The following ZFAND6 variants were observed in gnomAD, a reference collection of about 807,000 sequenced individuals.
The protein encoded by ZFAND6 is AN1-type zinc finger protein 6.
ZFAND6 carries 12 observed loss-of-function variants against 24.5 expected under a neutral mutation model. The observed-to-expected ratio is 0.49, with a 90% confidence interval of 0.31 to 0.79. ZFAND6 has a LOEUF of 0.79. ZFAND6 is among the 30% of genes least tolerant of loss of function. The pLI, the probability that ZFAND6 is intolerant of heterozygous loss-of-function variation, is 0.04. For synonymous variants in ZFAND6, 92 were observed against 81.5 expected, an observed-to-expected ratio of 1.13 and a Z score of -0.69; for missense variants, 207 against 245.9, an observed-to-expected ratio of 0.84 and a Z score of 1.06.
At chr15:80,090,541 C>T (rs1183595946) in intron 1 of ZFAND6, among the ~76,000 whole-genome samples, 6 of 152,176 alleles carry the variant, frequency 3.9e-5, no homozygotes, top group Non-Finnish European at 8.8e-5. Context: ...TACTATTTGT[C>T]CTGCAATTCT....
rs1218902182 is a variant in ZFAND6, at chr15:80,092,414, C to T, written c.-180-6002C>T. The stretch of plus-strand genomic sequence containing the variant: ...TCGTGCCACTGCACTCTAGTCCGGG[C>T]GACAGAGTGAGACTCTGTCTCAAAA... On this transcript the variant is annotated intron_variant, in intron 1 of 6. Transcript: ENST00000261749. Among the ~76,000 whole-genome samples, 20 of 151,658 alleles carry T rather than the reference C, an allele frequency of 1.3e-4. No individual in the cohort carries two copies. The East Asian group carries it at 2.5e-3, about 19-fold the overall frequency.
intron 1 of ZFAND6, among the ~76,000 whole-genome samples, chr15:80,066,544 C>T (rs542003021): frequency 6.6e-6 from 1 of 152,026 alleles, no homozygotes; most frequent in African/African-American, 2.4e-5. Context: ...AATTCCTGAC[C>T]TCAGGTGATC....
At chr15:80,135,631 G>A (rs1388021950) in intron 6 of ZFAND6, among the ~76,000 whole-genome samples, 2 of 152,224 alleles carry the variant, frequency 1.3e-5, no homozygotes, top group Admixed American at 6.5e-5. Context: ...GGAAGTTAGA[G>A]TTTAATATCA....
At chr15:80,121,079 C>G (rs796586141) in intron 3 of ZFAND6, among the ~76,000 whole-genome samples, 9 of 152,160 alleles carry the variant, frequency 5.9e-5, no homozygotes, top group African/African-American at 2.2e-4. Flanking sequence ...ATAAGCTTTG[C>G]AAAAAGGAAA....
intron 1 of ZFAND6, among the ~76,000 whole-genome samples, chr15:80,086,311 T>C (rs927235817): frequency 3.3e-5 from 5 of 152,252 alleles, no homozygotes; most frequent in African/African-American, 1.2e-4. Context: ...GTACTGGGAT[T>C]ACAGGCATGA....
chr15:80,063,831 G>A (rs764615010), intron 1 of ZFAND6, among the ~76,000 whole-genome samples: 3 of 152,172 alleles, frequency 2.0e-5, no homozygotes, highest in Non-Finnish European at 4.4e-5. Flanking sequence ...GGTTACAGGT[G>A]TGAGCCACTG....
At chr15:80,123,336 C>T (rs1044722713) in intron 5 of ZFAND6, among the ~76,000 whole-genome samples, 1 of 152,158 alleles carries the variant, frequency 6.6e-6, no homozygotes, top group Non-Finnish European at 1.5e-5. Flanking sequence ...TCTAGGAAGA[C>T]TTGAAAATTT....
At chr15:80,071,087 C>T (rs1338609171) in intron 1 of ZFAND6, among the ~76,000 whole-genome samples, 3 of 152,178 alleles carry the variant, frequency 2.0e-5, no homozygotes, top group Non-Finnish European at 4.4e-5. Flanking sequence ...GATTATGCAG[C>T]TGTTTGGGCT....
At chr15:80,081,509 T>C (rs2037667444) in intron 1 of ZFAND6, among the ~76,000 whole-genome samples, 1 of 152,180 alleles carries the variant, frequency 6.6e-6, no homozygotes, top group Admixed American at 6.5e-5. Context: ...AAATAACATA[T>C]TGTCAGATAA....
intron 2 of ZFAND6, among the ~76,000 whole-genome samples, chr15:80,107,480 C>A (rs980648802): frequency 6.6e-5 from 10 of 152,204 alleles, no homozygotes; most frequent in African/African-American, 2.4e-4. Flanking sequence ...TTTTACACTG[C>A]CAATGCAAAT....
At chr15:80,102,775 G>T (rs1486187246) in intron 2 of ZFAND6, among the ~76,000 whole-genome samples, 1 of 152,128 alleles carries the variant, frequency 6.6e-6, no homozygotes, top group African/African-American at 2.4e-5. Flanking sequence ...TAGTGTAGGT[G>T]TTAGGGGAGA....
chr15:80,078,166 A>G (rs746555660), intron 1 of ZFAND6, among the ~76,000 whole-genome samples: 7 of 152,194 alleles, frequency 4.6e-5, no homozygotes, highest in Admixed American at 1.3e-4. Flanking sequence ...CTCAGTGACC[A>G]TAGTACCTGA....
At position 80,137,852 on chromosome 15, in the gene ZFAND6, T is replaced by C. The variant is rs774105797; in HGVS notation, c.*224T>C. On this transcript the variant is annotated 3_prime_UTR_variant, in exon 7 of 7. Coordinates refer to ENST00000261749, the MANE Select transcript of ZFAND6 (RefSeq NM_019006.4). ...CTTTACAAGTATTATCCTTTTAAGA[T>C]CATTTTAATTTTAGTTGAGTGCAGA... 1.8e-5 allele frequency: 7 copies of C among 389,796 alleles called. No individual in the cohort carries two copies. The highest frequency in any genetic ancestry group is 1.3e-4 in the African/African-American group (6 of 47,312). 24.1% of individuals were successfully genotyped at this position (389,796 alleles called of 1,614,324 possible).
chr15:80,068,139 T>TG (rs910143694), intron 1 of ZFAND6, among the ~76,000 whole-genome samples: 133 of 136,918 alleles, frequency 9.7e-4, no homozygotes, highest in South Asian at 7.9e-3. Flanking sequence ...TTTTTTTTTT[T>TG]TTTGTTTGTT....
At chr15:80,124,905 A>G (rs2040309383) in intron 5 of ZFAND6, among the ~76,000 whole-genome samples, 1 of 152,202 alleles carries the variant, frequency 6.6e-6, no homozygotes, top group Non-Finnish European at 1.5e-5. Context: ...AAAATTTAAC[A>G]TATTATTGAA....
At chr15:80,084,862 GT>G (rs1218316567) in intron 1 of ZFAND6, among the ~76,000 whole-genome samples, 1 of 152,216 alleles carries the variant, frequency 6.6e-6, no homozygotes, top group East Asian at 1.9e-4. Context: ...GCCTCAGAAT[GT>G]CTCCTAAGCT....
chr15:80,130,079 C>T (rs1259842112), intron 5 of ZFAND6: 1 of 152,132 alleles, frequency 6.6e-6, no homozygotes, highest in Non-Finnish European at 1.5e-5. Flanking sequence ...TTGAGGAATT[C>T]TAAACATCAG....
chr15:80,106,941 A>AT (rs2039358994), intron 2 of ZFAND6, among the ~76,000 whole-genome samples: 1 of 152,190 alleles, frequency 6.6e-6, no homozygotes, highest in Non-Finnish European at 1.5e-5. Context: ...GGCCGGGCGC[A>AT]GTGGCTCACG....
In ZFAND6 at chr15:80,093,639, C is replaced by T. The variant is rs192590887; in HGVS notation, c.-180-4777C>T. ...ACTCAGGAGACTGAGGCAGGAGAAT[C>T]GCTTAAACCCAGAAGGCGGAGGTTG... is the stretch of plus-strand genomic sequence containing the variant. On this transcript the variant is annotated intron_variant, in intron 1 of 6. Coordinates refer to ENST00000261749, the MANE Select transcript of ZFAND6 (RefSeq NM_019006.4). 3.3e-3 allele frequency among the ~76,000 whole-genome samples: 509 copies of T among 152,284 alleles called. 1 individual carries two copies. Among genetic ancestry groups the T allele is most frequent in the South Asian group, 5.6e-3 (27 of 4,824 alleles).
Sources: gnomAD v4.1 joint callset for allele counts (sites outside exome capture counted in the v4.1 genomes callset) on GRCh38, gnomAD v4.1.1 for gene constraint, MANE v1.5 for transcripts, NCBI Gene and HGNC (gene_info 2026-07-23, HGNC 2026-07-21) for gene names.